VPREB1: variants seen among roughly 807,000 people sequenced by gnomAD.
VPREB1 encodes immunoglobulin iota chain.
VPREB1 carries 17 observed loss-of-function variants against 13.6 expected under a neutral mutation model. That is an observed-to-expected ratio of 1.25 (90% confidence interval 0.86 to 1.88). The LOEUF (loss-of-function observed/expected upper bound fraction) is 1.88. VPREB1 is among the 40% of genes most tolerant of loss of function. VPREB1 has a pLI of 0.00. For missense variants in VPREB1, 183 were observed against 190.1 expected, an observed-to-expected ratio of 0.96 and a Z score of 0.22; for synonymous variants, 86 against 73.9, an observed-to-expected ratio of 1.16 and a Z score of -0.84.
At position 22,245,397 on chromosome 22, in the gene VPREB1, C is replaced by T. The variant is rs1257297825; in HGVS notation, c.*60C>T. On this transcript the variant is annotated 3_prime_UTR_variant, in exon 2 of 2. Transcript: ENST00000403807. ...AGACTGTCATGGAAGAGGGTGGAGT[C>T]GCCGCCCGAAGCGCCGAGGAGGCTG... 1.1e-5 allele frequency: 16 copies of T among 1,412,688 alleles called. No individual in the cohort carries two copies. Among genetic ancestry groups the T allele is most frequent in the Middle Eastern group, 1.8e-4 (1 of 5,428 alleles). The allele number at this position is 1,412,688 out of a possible 1,614,324, so 87.5% of individuals were successfully genotyped here.
Position 22,245,400 on chromosome 22 carries a change from C to T in VPREB1, c.*63C>T, listed in dbSNP as rs547653598. The T allele has an allele frequency of 1.8e-5, 25 of 1,412,848 alleles. 1 individual carries two copies. The East Asian group carries it at 2.1e-4, about 12-fold the overall frequency. The allele number at this position is 1,412,848 out of a possible 1,614,324, so 87.5% of individuals were successfully genotyped here. A position where few individuals can be genotyped will look rare whatever the true frequency, so the allele number is the denominator to read the frequency against. On this transcript the variant is annotated 3_prime_UTR_variant, in exon 2 of 2. Transcript: ENST00000403807. The stretch of plus-strand genomic sequence containing the variant: ...CTGTCATGGAAGAGGGTGGAGTCGC[C>T]GCCCGAAGCGCCGAGGAGGCTGAGC...
rs751172832 is a variant in VPREB1, at chr22:22,245,255, C to A, written c.356C>A (p.Ala119Asp). The A allele has an allele frequency of 5.1e-6, 8 of 1,567,176 alleles. No individual in the cohort carries two copies. Among genetic ancestry groups the A allele is most frequent in the Non-Finnish European group, 6.9e-6 (8 of 1,160,874 alleles). The change falls in exon 2 of 2, where the codon GCC becomes GAC. Residue 119 changes from alanine (A) to aspartate (D), a missense_variant. Transcript: ENST00000403807. ...GCTATGTATTACTGTGCTATGGGGG[C>A]CCGCAGCTCGGAGAAGGAGGAGAGG... Reference protein sequence around the residue: ...DEAMYYCAMGARSSEKEERER... With the variant: ...DEAMYYCAMGDRSSEKEERER...
In VPREB1 at chr22:22,245,179, G is replaced by C; in HGVS notation, c.280G>C (p.Ala94Pro). 2 of 1,594,892 alleles carry C rather than the reference G, an allele frequency of 1.3e-6. No individual in the cohort carries two copies. The highest frequency in any genetic ancestry group is 1.1e-5 in the South Asian group (1 of 87,194). ...TCGCTTCTCTGGATCCAAAGATGTG[G>C]CCAGGAACAGGGGGTATTTGAGCAT... is the stretch of plus-strand genomic sequence containing the variant. ...PPRFSGSKDVARNRGYLSISE... is the reference protein window; with the variant it reads ...PPRFSGSKDVPRNRGYLSISE... The change falls in exon 2 of 2, where the codon GCC becomes CCC. Residue 94 changes from alanine to proline, a missense_variant. Coordinates refer to ENST00000403807, the MANE Select transcript of VPREB1 (RefSeq NM_007128.4).
At position 22,245,092 on chromosome 22, in the gene VPREB1, C is replaced by G; in HGVS notation, c.193C>G (p.Pro65Ala). Residue 65 changes from proline to alanine, a missense_variant, in exon 2 of 2, where the codon CCC (proline) becomes GCC (alanine). Coordinates refer to ENST00000403807, the MANE Select transcript of VPREB1 (RefSeq NM_007128.4). ...GTACCAGCAGAGGCCGGGCCACCCT[C>G]CCAGGTTCCTGCTGAGATATTTCTC... ...YWYQQRPGHP[P>A]RFLLRYFSQS... is the part of the protein sequence containing the mutation. 6.2e-7 allele frequency: 1 copy of G among 1,613,976 alleles called. No homozygotes were observed. Among genetic ancestry groups the G allele is most frequent in the Non-Finnish European group, 8.5e-7 (1 of 1,179,992 alleles).
chr22:22,244,945 G>A lies in VPREB1; in HGVS notation c.47-1G>A. 1 of 1,614,150 alleles carries A rather than the reference G, an allele frequency of 6.2e-7. No individual in the cohort carries two copies. The highest frequency in any genetic ancestry group is 8.5e-7 in the Non-Finnish European group (1 of 1,180,032). The stretch of plus-strand genomic sequence containing the variant: ...CGGCCCACATGCATCTGTGTCACCA[G>A]GTTGTGGTCCTCAGCCGGTGCTGCA... On this transcript the variant is annotated splice_acceptor_variant, in intron 1 of 1. Transcript: ENST00000403807. LOFTEE classifies it high-confidence loss of function.
Position 22,245,077 on chromosome 22 carries a change from A to G in VPREB1, c.178A>G (p.Arg60Gly). The G allele has an allele frequency of 6.2e-7, 1 of 1,614,016 alleles. No individual in the cohort carries two copies. The change falls in exon 2 of 2, where the codon AGG becomes GGG. Residue 60 changes from arginine (R) to glycine (G), a missense_variant. Physicochemically the swap from Arg to Gly is moderately radical, Grantham distance 125 (BLOSUM62 -2). Coordinates refer to ENST00000403807, the MANE Select transcript of VPREB1 (RefSeq NM_007128.4). Reference protein sequence around the residue: ...GVYSVYWYQQRPGHPPRFLLR... With the variant: ...GVYSVYWYQQGPGHPPRFLLR... Reference sequence around the variant, plus strand: ...GTACAGCGTCTACTGGTACCAGCAGAGGCCGGGCCACCCTCCCAGGTTCCT... The same window carrying G: ...GTACAGCGTCTACTGGTACCAGCAGGGGCCGGGCCACCCTCCCAGGTTCCT...
At chr22:22,244,885 A>G (rs749345702) in intron 1 of VPREB1, 26 bp downstream of exon 1, 9 of 1,612,834 alleles carry the variant, frequency 5.6e-6, no homozygotes, top group Admixed American at 1.7e-5. Flanking sequence ...GATCCCAAAG[A>G]CTCCTGCCCC....
Position 22,245,150 on chromosome 22 carries a change from C to T in VPREB1, c.251C>T (p.Pro84Leu). ...QSDKSQGPQV[P>L]PRFSGSKDVA... ...GACAAGAGCCAGGGCCCCCAGGTCC[C>T]CCCTCGCTTCTCTGGATCCAAAGAT... Residue 84 changes from proline to leucine, a missense_variant, in exon 2 of 2, where the codon CCC becomes CTC. Pro to Leu is a moderately conservative substitution (Grantham distance 98). Transcript: ENST00000403807. The T allele has an allele frequency of 1.2e-6, 2 of 1,607,094 alleles. No individual in the cohort carries two copies. The highest frequency in any genetic ancestry group is 1.7e-6 in the Non-Finnish European group (2 of 1,176,370).
At chr22:22,244,919 A>G (rs2088098184) in intron 1 of VPREB1, 27 bp from the exon 2 acceptor site, 1 of 1,613,760 alleles carries the variant, frequency 6.2e-7, no homozygotes, top group Non-Finnish European at 8.5e-7. Flanking sequence ...CCCTGCCCCC[A>G]CGGCCCACAT....
Position 22,245,123 on chromosome 22 carries a change from C to G in VPREB1, c.224C>G (p.Ser75Ter), listed in dbSNP as rs777378025. 41 of 1,613,214 alleles carry G rather than the reference C, an allele frequency of 2.5e-5. No homozygotes were observed. Among genetic ancestry groups the G allele is most frequent in the Non-Finnish European group, 3.4e-5 (40 of 1,179,600 alleles). The change falls in exon 2 of 2, where the codon TCA becomes TGA. Residue 75 changes from serine (S) to a stop codon, truncating the protein, a stop_gained. Coordinates refer to ENST00000403807, the MANE Select transcript of VPREB1 (RefSeq NM_007128.4). LOFTEE classifies it high-confidence loss of function. ...TTCCTGCTGAGATATTTCTCACAATCAGACAAGAGCCAGGGCCCCCAGGTC... is the reference window on the plus strand; with the variant it reads ...TTCCTGCTGAGATATTTCTCACAATGAGACAAGAGCCAGGGCCCCCAGGTC... ...PRFLLRYFSQ[S>*]DKSQGPQVPP...
rs199900999 is a variant in VPREB1 at position 22,244,988 on chromosome 22, C to T, written c.89C>T (p.Ser30Phe). ...QPVLHQPPAM[S>F]SALGTTIRLT... ...GTGCTGCATCAGCCGCCGGCCATGT[C>T]CTCGGCCCTTGGAACCACAATCCGC... is the stretch of plus-strand genomic sequence containing the variant. Residue 30 changes from serine (S) to phenylalanine (F), a missense_variant, in exon 2 of 2, where the codon TCC (serine) becomes TTC (phenylalanine). Ser to Phe is a radical substitution (Grantham distance 155). Transcript: ENST00000403807. 29 of 1,614,054 alleles carry T rather than the reference C, an allele frequency of 1.8e-5. 1 individual carries two copies. The highest frequency in any genetic ancestry group is 2.2e-5 in the East Asian group (1 of 44,886).
rs766700714 is a variant in VPREB1 at position 22,244,927 on chromosome 22, C to T, written c.47-19C>T. The stretch of plus-strand genomic sequence containing the variant: ...CATCCTGCCCTGCCCCCACGGCCCA[C>T]ATGCATCTGTGTCACCAGGTTGTGG... On this transcript the variant is annotated intron_variant, in intron 1 of 1. Transcript: ENST00000403807. 1.2e-6 allele frequency: 2 copies of T among 1,614,176 alleles called. No individual in the cohort carries two copies. Among genetic ancestry groups the T allele is most frequent in the Non-Finnish European group, 8.5e-7 (1 of 1,180,024 alleles).
Position 22,245,280 on chromosome 22 carries a change from G to C in VPREB1, c.381G>C (p.Arg127Ser). 1 of 1,560,446 alleles carries C rather than the reference G, an allele frequency of 6.4e-7. No individual in the cohort carries two copies. The highest frequency in any genetic ancestry group is 8.6e-7 in the Non-Finnish European group (1 of 1,158,900). ...MGARSSEKEE[R>S]EREWEEEMEP... ...CCCGCAGCTCGGAGAAGGAGGAGAGGGAGAGGGAGTGGGAGGAAGAAATGG... is the reference window on the plus strand; with the variant it reads ...CCCGCAGCTCGGAGAAGGAGGAGAGCGAGAGGGAGTGGGAGGAAGAAATGG... Residue 127 changes from arginine to serine, a missense_variant, in exon 2 of 2, where the codon AGG becomes AGC. Arg to Ser is a moderately radical substitution (Grantham distance 110, BLOSUM62 -1). Transcript: ENST00000403807.
In VPREB1 at chr22:22,245,152, C is replaced by T. The variant is rs766275818; in HGVS notation, c.253C>T (p.Pro85Ser). The T allele has an allele frequency of 1.2e-6, 2 of 1,606,470 alleles. No individual in the cohort carries two copies. The highest frequency in any genetic ancestry group is 3.4e-5 in the Admixed American group (2 of 59,292). Residue 85 changes from proline (P) to serine (S), a missense_variant, in exon 2 of 2, where the codon CCT (proline) becomes TCT (serine). Physicochemically the swap from Pro to Ser is moderately conservative, Grantham distance 74. Coordinates refer to ENST00000403807, the MANE Select transcript of VPREB1 (RefSeq NM_007128.4). ...SDKSQGPQVP[P>S]RFSGSKDVAR... Reference sequence around the variant, plus strand: ...CAAGAGCCAGGGCCCCCAGGTCCCCCCTCGCTTCTCTGGATCCAAAGATGT... The same window carrying T: ...CAAGAGCCAGGGCCCCCAGGTCCCCTCTCGCTTCTCTGGATCCAAAGATGT...
rs778984790 is a variant in VPREB1 at position 22,244,941 on chromosome 22, A to G, written c.47-5A>G. The G allele has an allele frequency of 1.2e-6, 2 of 1,613,996 alleles. No homozygotes were observed. Among genetic ancestry groups the G allele is most frequent in the Non-Finnish European group, 1.7e-6 (2 of 1,179,994 alleles). On this transcript the variant is annotated splice_region_variant and splice_polypyrimidine_tract_variant and intron_variant, in intron 1 of 1. Coordinates refer to ENST00000403807, the MANE Select transcript of VPREB1 (RefSeq NM_007128.4). ...CCCACGGCCCACATGCATCTGTGTC[A>G]CCAGGTTGTGGTCCTCAGCCGGTGC...
rs371374519 is a variant in VPREB1, at chr22:22,245,136, G to C, written c.237G>C (p.Gln79His). ...ATTTCTCACAATCAGACAAGAGCCA[G>C]GGCCCCCAGGTCCCCCCTCGCTTCT... ...LRYFSQSDKS[Q>H]GPQVPPRFSG... The change falls in exon 2 of 2, where the codon CAG (glutamine) becomes CAC (histidine). Residue 79 changes from glutamine (Q) to histidine (H), a missense_variant. Gln to His is a conservative substitution (Grantham distance 24). Transcript: ENST00000403807. 2 of 1,611,610 alleles carry C rather than the reference G, an allele frequency of 1.2e-6. No homozygotes were observed. The highest frequency in any genetic ancestry group is 2.2e-5 in the East Asian group (1 of 44,810).
Position 22,245,067 on chromosome 22 carries a change from G to C in VPREB1, c.168G>C (p.Trp56Cys). Residue 56 changes from tryptophan (W) to cysteine (C), a missense_variant, in exon 2 of 2, where the codon TGG becomes TGC. Coordinates refer to ENST00000403807, the MANE Select transcript of VPREB1 (RefSeq NM_007128.4). ...ACATCGGTGTGTACAGCGTCTACTG[G>C]TACCAGCAGAGGCCGGGCCACCCTC... ...DHDIGVYSVY[W>C]YQQRPGHPPR... 6.2e-7 allele frequency: 1 copy of C among 1,613,966 alleles called. No homozygotes were observed. Among genetic ancestry groups the C allele is most frequent in the Non-Finnish European group, 8.5e-7 (1 of 1,180,002 alleles).
Position 22,245,186 on chromosome 22 carries a change from A to G in VPREB1, c.287A>G (p.Asn96Ser). 1.3e-6 allele frequency: 2 copies of G among 1,591,484 alleles called. No homozygotes were observed. The highest frequency in any genetic ancestry group is 1.7e-5 in the Admixed American group (1 of 58,182). ...TCTGGATCCAAAGATGTGGCCAGGA[A>G]CAGGGGGTATTTGAGCATCTCTGAG... Reference protein sequence around the residue: ...RFSGSKDVARNRGYLSISELQ... With the variant: ...RFSGSKDVARSRGYLSISELQ... Residue 96 changes from asparagine to serine, a missense_variant, in exon 2 of 2, where the codon AAC (asparagine) becomes AGC (serine). By Grantham distance (46) the Asn-to-Ser change is conservative (BLOSUM62 1). Transcript: ENST00000403807.
Position 22,245,295 on chromosome 22 carries a change from G to T in VPREB1, c.396G>T (p.Glu132Asp). Reference protein sequence around the residue: ...SEKEEREREWEEEMEPTAART... With the variant: ...SEKEEREREWDEEMEPTAART... Reference sequence around the variant, plus strand: ...AGGAGGAGAGGGAGAGGGAGTGGGAGGAAGAAATGGAACCCACTGCAGCCA... The same window carrying T: ...AGGAGGAGAGGGAGAGGGAGTGGGATGAAGAAATGGAACCCACTGCAGCCA... The change falls in exon 2 of 2, where the codon GAG becomes GAT. Residue 132 changes from glutamate (E) to aspartate (D), a missense_variant. Coordinates refer to ENST00000403807, the MANE Select transcript of VPREB1 (RefSeq NM_007128.4). 1 of 1,534,514 alleles carries T rather than the reference G, an allele frequency of 6.5e-7. No homozygotes were observed. The highest frequency in any genetic ancestry group is 8.7e-7 in the Non-Finnish European group (1 of 1,148,124).
Sources: gnomAD v4.1 joint callset for allele counts on GRCh38, gnomAD v4.1.1 for gene constraint, MANE v1.5 for transcripts, NCBI Gene and HGNC (gene_info 2026-07-23, HGNC 2026-07-21) for gene names.